The following CSMD1 variants were observed in gnomAD, a reference collection of about 807,000 sequenced individuals.
The protein encoded by CSMD1 is CUB and Sushi multiple domains 1, also known as CUB and sushi domain-containing protein 1.
In CSMD1, 213 loss-of-function variants were observed where a neutral mutation model predicts 417.5. The observed-to-expected ratio is 0.51, with a 90% CI of 0.46 to 0.57. The LOEUF (loss-of-function observed/expected upper bound fraction) is 0.57. Among genes scored for constraint, CSMD1 ranks in the 20% least tolerant of loss-of-function variants. CSMD1 has a pLI of 0.00. For missense variants in CSMD1, 6,923 were observed against 4,529.7 expected, an observed-to-expected ratio of 1.53 and a Z score of -15.17; for synonymous variants, 2,862 against 1,736.8, an observed-to-expected ratio of 1.65 and a Z score of -16.11.
At chr8:3,751,929 C>A (rs750602086) in intron 6 of CSMD1, among the ~76,000 whole-genome samples, 2 of 152,160 alleles carry the variant, frequency 1.3e-5, no homozygotes, top group Non-Finnish European at 2.9e-5. Context: ...ACTATAGGAT[C>A]AGTCCATTGG....
intron 26 of CSMD1, among the ~76,000 whole-genome samples, chr8:3,247,863 G>A (rs565956697): frequency 6.6e-6 from 1 of 152,170 alleles, no homozygotes; most frequent in African/African-American, 2.4e-5. Context: ...ATTCACAAGG[G>A]GGGAGCAGGA....
chr8:4,202,107 G>A (rs1381070033), intron 3 of CSMD1, among the ~76,000 whole-genome samples: 1 of 150,982 alleles, frequency 6.6e-6, no homozygotes, highest in African/African-American at 2.4e-5. Context: ...TTTTTTGTTA[G>A]TTTTTTTTTC....
chr8:4,918,270 T>C (rs1223816606), intron 1 of CSMD1, among the ~76,000 whole-genome samples: 1 of 152,206 alleles, frequency 6.6e-6, no homozygotes, highest in African/African-American at 2.4e-5. Flanking sequence ...ATGTGAGCTT[T>C]CTGGGACAGA....
intron 17 of CSMD1, among the ~76,000 whole-genome samples, chr8:3,388,792 G>C (rs969570575): frequency 6.6e-6 from 1 of 152,150 alleles, no homozygotes; most frequent in East Asian, 1.9e-4. Flanking sequence ...CTCTGGAGGA[G>C]CTTTCAATCT....
chr8:3,337,691 T>G (rs924714176), intron 23 of CSMD1, among the ~76,000 whole-genome samples: 1 of 152,196 alleles, frequency 6.6e-6, no homozygotes, highest in Non-Finnish European at 1.5e-5. Context: ...TTGCGTCTGC[T>G]GAGATCAAGT....
chr8:3,909,452 G>T (rs1007945323), intron 5 of CSMD1, among the ~76,000 whole-genome samples: 23 of 152,086 alleles, frequency 1.5e-4, no homozygotes, highest in Non-Finnish European at 5.9e-5. Flanking sequence ...CAGAACACAC[G>T]GCGTGCTCCT....
chr8:4,203,270 T>C (rs946226496), intron 3 of CSMD1, among the ~76,000 whole-genome samples: 3 of 152,142 alleles, frequency 2.0e-5, no homozygotes, highest in Non-Finnish European at 4.4e-5. Context: ...AAGACTGCCC[T>C]GACTCCTTCA....
At chr8:4,441,473 G>A (rs980044764) in intron 2 of CSMD1, among the ~76,000 whole-genome samples, 2 of 151,718 alleles carry the variant, frequency 1.3e-5, no homozygotes, top group Non-Finnish European at 2.9e-5. Context: ...GTTTTATTAG[G>A]AGTTAGACAT....
chr8:2,962,483 ATGCCGCT>A lies in CSMD1; in HGVS notation c.9604_9610del (p.Ser3202TyrfsTer58). 6.2e-7 allele frequency: 1 copy of A among 1,613,850 alleles called. No homozygotes were observed. The highest frequency in any genetic ancestry group is 1.1e-5 in the South Asian group (1 of 91,060). On this transcript the variant is annotated frameshift_variant, in exon 61 of 70. Coordinates refer to ENST00000635120, the MANE Select transcript of CSMD1 (RefSeq NM_033225.6). LOFTEE classifies it high-confidence loss of function. Reference sequence around the variant, plus strand: ...ATTATTACCAATGCAGGTGGGTTGTATGCCGCTCCACGTGCCGTCAGCTTGGCAGACT... The same window carrying A: ...ATTATTACCAATGCAGGTGGGTTGTACCACGTGCCGTCAGCTTGGCAGACT...
intron 5 of CSMD1, among the ~76,000 whole-genome samples, chr8:3,838,479 T>C (rs575410301): frequency 2.8e-5 from 4 of 140,612 alleles, no homozygotes; most frequent in South Asian, 2.3e-4. Flanking sequence ...ATATTATATA[T>C]AGCCTATAGA....
At position 2,936,211 on chromosome 8, in the gene CSMD1, A is replaced by G. The variant is rs1026101468; in HGVS notation, c.*2374T>C. On this transcript the variant is annotated 3_prime_UTR_variant, in exon 70 of 70. Transcript: ENST00000635120. ...ACAAAGGAAAATCATATCTAATTTG[A>G]TATGTGGTTTCTTGTATGTATGTAT... 3.7e-4 allele frequency: 55 copies of G among 149,780 alleles called. 1 individual carries two copies. Among genetic ancestry groups the G allele is most frequent in the African/African-American group, 1.4e-3 (55 of 40,422 alleles). The allele number at this position is 149,780 out of a possible 1,614,324, so 9.3% of individuals were successfully genotyped here. A position where few individuals can be genotyped will look rare whatever the true frequency, so the allele number is the denominator to read the frequency against.
intron 3 of CSMD1, among the ~76,000 whole-genome samples, chr8:4,232,835 A>T (rs1324302434): frequency 6.6e-6 from 1 of 152,078 alleles, no homozygotes; most frequent in South Asian, 2.1e-4. Flanking sequence ...ACATTACTTT[A>T]TTTATTTATT....
chr8:4,669,582 C>T (rs1430188139), intron 1 of CSMD1, among the ~76,000 whole-genome samples: 1 of 152,166 alleles, frequency 6.6e-6, no homozygotes, highest in Non-Finnish European at 1.5e-5. Context: ...GAGAAGCACT[C>T]TGGAAGCATT....
intron 1 of CSMD1, among the ~76,000 whole-genome samples, chr8:4,681,637 G>A (rs1806058914): frequency 6.6e-6 from 1 of 152,146 alleles, no homozygotes; most frequent in Admixed American, 6.6e-5. Flanking sequence ...CTATGTGCTT[G>A]GTTGCTGGCA....
intron 3 of CSMD1, among the ~76,000 whole-genome samples, chr8:4,310,111 C>G (rs1299961562): frequency 6.6e-6 from 1 of 152,138 alleles, no homozygotes; most frequent in Non-Finnish European, 1.5e-5. Context: ...ATTCACTTAT[C>G]TCCCATTCAT....
At chr8:3,978,604 T>A (rs1813621091) in intron 5 of CSMD1, among the ~76,000 whole-genome samples, 1 of 151,834 alleles carries the variant, frequency 6.6e-6, no homozygotes, top group Non-Finnish European at 1.5e-5. Context: ...ATGTTGGGGG[T>A]AAATAATTGG....
At chr8:3,206,544 G>T (rs186590094) in intron 30 of CSMD1, among the ~76,000 whole-genome samples, 59 of 120,754 alleles carry the variant, frequency 4.9e-4, no homozygotes, top group African/African-American at 1.8e-3. Flanking sequence ...TGTGTGTGTG[G>T]GAGGTTATGT....
chr8:4,048,510 G>C (rs921569897), intron 3 of CSMD1, among the ~76,000 whole-genome samples: 1 of 152,138 alleles, frequency 6.6e-6, no homozygotes, highest in Non-Finnish European at 1.5e-5. Context: ...AGGCAGAAAA[G>C]TTAAGGAACA....
At chr8:2,971,335 T>C (rs750757525) in intron 57 of CSMD1, among the ~76,000 whole-genome samples, 1 of 152,196 alleles carries the variant, frequency 6.6e-6, no homozygotes, top group Admixed American at 6.5e-5. Flanking sequence ...AGACCACACA[T>C]TGCACTTATC....
Sources: gnomAD v4.1 joint callset for allele counts (sites outside exome capture counted in the v4.1 genomes callset) on GRCh38, gnomAD v4.1.1 for gene constraint, MANE v1.5 for transcripts, NCBI Gene and HGNC (gene_info 2026-07-23, HGNC 2026-07-21) for gene names.